LOC128092252: variants seen among roughly 807,000 people sequenced by gnomAD.
chr15:50,667,433 C>G, the LOC128092252 span, among the ~76,000 whole-genome samples: 1 of 152,180 alleles, frequency 6.6e-6, no homozygotes, highest in South Asian at 2.1e-4. Context: ...TGGCCGGGCA[C>G]AGTGGTTCAC....
the LOC128092252 span, among the ~76,000 whole-genome samples, chr15:50,682,626 G>A: frequency 2.0e-5 from 3 of 150,716 alleles, no homozygotes; most frequent in East Asian, 3.9e-4. Flanking sequence ...AAAATTAACT[G>A]TACCAAAAAG....
chr15:50,650,526 C>G, the LOC128092252 span, among the ~76,000 whole-genome samples: 1 of 151,842 alleles, frequency 6.6e-6, no homozygotes, highest in Non-Finnish European at 1.5e-5. Flanking sequence ...GAAACTCTGT[C>G]TCTCCTAAAA....
the LOC128092252 span, among the ~76,000 whole-genome samples, chr15:50,661,706 T>C: frequency 6.6e-6 from 1 of 152,214 alleles, no homozygotes; most frequent in South Asian, 2.1e-4. Flanking sequence ...CTAAGAGTTA[T>C]ATATCTAACA....
the LOC128092252 span, among the ~76,000 whole-genome samples, chr15:50,668,349 T>C: frequency 6.6e-6 from 1 of 152,242 alleles, no homozygotes. Flanking sequence ...TCCTTTATTT[T>C]GTTTTGCAGT....
the LOC128092252 span, among the ~76,000 whole-genome samples, chr15:50,658,616 G>C: frequency 6.6e-6 from 1 of 150,780 alleles, no homozygotes; most frequent in East Asian, 1.9e-4. Flanking sequence ...TACAGAGAGA[G>C]TCTGGTATCT....
chr15:50,682,173 C>CAAAAA, the LOC128092252 span, among the ~76,000 whole-genome samples: 23 of 63,678 alleles, frequency 3.6e-4, no homozygotes, highest in African/African-American at 8.7e-4. Context: ...AACTCAGTCT[C>CAAAAA]AAAAAAAAAA....
At chr15:50,658,506 G>A in the LOC128092252 span, among the ~76,000 whole-genome samples, 26 of 151,144 alleles carry the variant, frequency 1.7e-4, no homozygotes, top group Admixed American at 8.6e-4. Flanking sequence ...GGAGGTCGAG[G>A]CTAAAGTGAG....
chr15:50,679,817 G>A, the LOC128092252 span, among the ~76,000 whole-genome samples: 1 of 151,916 alleles, frequency 6.6e-6, no homozygotes, highest in East Asian at 1.9e-4. Context: ...TTACAGGCAA[G>A]AGCCACCATG....
chr15:50,668,599 C>G, the LOC128092252 span, among the ~76,000 whole-genome samples: 1 of 152,138 alleles, frequency 6.6e-6, no homozygotes, highest in Admixed American at 6.6e-5. Context: ...ACTCTGCCTC[C>G]GGGGTCCAAG....
At chr15:50,679,640 A>G in the LOC128092252 span, among the ~76,000 whole-genome samples, 1 of 148,844 alleles carries the variant, frequency 6.7e-6, no homozygotes, top group East Asian at 2.0e-4. Context: ...GATTCAACCA[A>G]TTCTCATGCC....
chr15:50,670,810 G>GAAAAAAAAAAAAAAA, the LOC128092252 span, among the ~76,000 whole-genome samples: 1 of 113,508 alleles, frequency 8.8e-6, no homozygotes. Flanking sequence ...AAAAGAAAAA[G>GAAAAAAAAAAAAAAA]AAAAAAAAAA....
At chr15:50,672,225 T>C in the LOC128092252 span, among the ~76,000 whole-genome samples, 2 of 152,044 alleles carry the variant, frequency 1.3e-5, no homozygotes, top group African/African-American at 2.4e-5. Context: ...AGCTAATTTT[T>C]TGTATTTTTA....
the LOC128092252 span, among the ~76,000 whole-genome samples, chr15:50,674,378 C>A: frequency 6.6e-6 from 1 of 152,010 alleles, no homozygotes; most frequent in Non-Finnish European, 1.5e-5. Flanking sequence ...GTGATCCACC[C>A]GCCTCAGCCT....
chr15:50,678,539 T>C, the LOC128092252 span, among the ~76,000 whole-genome samples: 3,011 of 138,084 alleles, frequency 0.022, 72 homozygotes, highest in African/African-American at 0.055. Flanking sequence ...TATATATATA[T>C]ATACACACAC....
chr15:50,677,116 T>C, the LOC128092252 span, among the ~76,000 whole-genome samples: 1 of 152,122 alleles, frequency 6.6e-6, no homozygotes, highest in Non-Finnish European at 1.5e-5. Context: ...TTCTGGAGAC[T>C]GAAAGTTCAG....
chr15:50,648,853 G>A, the LOC128092252 span: 1 of 1,611,688 alleles, frequency 6.2e-7, no homozygotes, highest in Non-Finnish European at 8.5e-7. Flanking sequence ...AGTAAAACAA[G>A]CATGTTGCTT....
the LOC128092252 span, among the ~76,000 whole-genome samples, chr15:50,680,186 A>G: frequency 2.6e-5 from 4 of 152,116 alleles, no homozygotes; most frequent in South Asian, 8.3e-4. Context: ...GGGAGCTGAG[A>G]TTGTGCCACT....
At chr15:50,669,593 A>G in the LOC128092252 span, among the ~76,000 whole-genome samples, 1 of 152,252 alleles carries the variant, frequency 6.6e-6, no homozygotes, top group Non-Finnish European at 1.5e-5. Context: ...ATAACAAAGC[A>G]AATCGGTCAT....
At chr15:50,652,515 G>T in the LOC128092252 span, among the ~76,000 whole-genome samples, 51 of 125,272 alleles carry the variant, frequency 4.1e-4, no homozygotes, top group African/African-American at 1.4e-3. Context: ...AATACAGCAA[G>T]ACTCTGTCTC....
Sources: gnomAD v4.1 joint callset for allele counts (sites outside exome capture counted in the v4.1 genomes callset) on GRCh38, gnomAD v4.1.1 for gene constraint, MANE v1.5 for transcripts.